The following ATP8A2 variants were observed in gnomAD, a reference collection of about 807,000 sequenced individuals.
ATP8A2 encodes ATPase phospholipid transporting 8A2.
ATP8A2 carries 100 observed loss-of-function variants against 165.6 expected under a neutral mutation model. The observed-to-expected ratio is 0.60, with a 90% CI of 0.51 to 0.71. The LOEUF (loss-of-function observed/expected upper bound fraction) is 0.71. Ranked by LOEUF, ATP8A2 falls within the 30% of genes least tolerant of loss-of-function variation. The pLI, the probability that ATP8A2 is intolerant of heterozygous loss-of-function variation, is 0.00. For missense variants in ATP8A2, 1,227 were observed against 1,479.5 expected (o/e 0.83, Z 2.80); for synonymous variants, 543 against 548.8 (o/e 0.99, Z 0.15).
intron 2 of ATP8A2, among the ~76,000 whole-genome samples, chr13:25,485,438 C>T (rs771260438): frequency 6.6e-6 from 1 of 152,184 alleles, no homozygotes; most frequent in Non-Finnish European, 1.5e-5. Flanking sequence ...TTTTACCAAC[C>T]TCCTTCCACT....
Position 26,020,241 on chromosome 13 carries a change from T to A in ATP8A2, c.*256T>A. On this transcript the variant is annotated 3_prime_UTR_variant, in exon 37 of 37. Transcript: ENST00000381655. The stretch of plus-strand genomic sequence containing the variant: ...TTTTGTTTATGTCGTTATGAAGCAT[T>A]CAACTGTGCTCTGTGAGGTGTGAAA... The A allele has an allele frequency of 1.9e-6, 1 of 518,002 alleles. No homozygotes were observed. The allele number at this position is 518,002 out of a possible 1,614,324, so 32.1% of individuals were successfully genotyped here.
At chr13:25,836,186 GTT>G (rs1374798479) in intron 28 of ATP8A2, among the ~76,000 whole-genome samples, 1 of 151,888 alleles carries the variant, frequency 6.6e-6, no homozygotes, top group Non-Finnish European at 1.5e-5. Flanking sequence ...TTGTTTGTTT[GTT>G]TGTTTGTTTG....
intron 28 of ATP8A2, 137 bp downstream of exon 28, chr13:25,828,329 C>T (rs1370137110): frequency 9.4e-6 from 7 of 745,798 alleles, no homozygotes; most frequent in Non-Finnish European, 1.6e-5. Flanking sequence ...CATCTTTGGG[C>T]CCTTTGTTGC....
intron 24 of ATP8A2, among the ~76,000 whole-genome samples, chr13:25,628,811 A>T (rs2041166448): frequency 6.6e-6 from 1 of 152,192 alleles, no homozygotes; most frequent in African/African-American, 2.4e-5. Context: ...TAACTTGATT[A>T]CCTGTGCAAA....
intron 2 of ATP8A2, among the ~76,000 whole-genome samples, chr13:25,494,569 G>C (rs1241977668): frequency 7.9e-5 from 12 of 152,144 alleles, no homozygotes; most frequent in African/African-American, 2.9e-4. Flanking sequence ...TTGCCTGCTT[G>C]TTTGTTTTTA....
chr13:25,864,517 C>T (rs1294395937), intron 33 of ATP8A2, among the ~76,000 whole-genome samples: 2 of 152,192 alleles, frequency 1.3e-5, no homozygotes, highest in African/African-American at 4.8e-5. Flanking sequence ...TTATAAGGCT[C>T]AGATTAATGG....
chr13:25,751,449 A>T (rs2044151341), intron 25 of ATP8A2, among the ~76,000 whole-genome samples: 1 of 151,732 alleles, frequency 6.6e-6, no homozygotes, highest in African/African-American at 2.4e-5. Flanking sequence ...ATTTTATTTT[A>T]TGATTTTTTT....
chr13:25,634,419 G>A lies in ATP8A2; in HGVS notation c.2211+44720G>A, dbSNP rs560659650. ...TAACTGCAGTAAGTCCTGTTAGGGC[G>A]CTGTTATTAGTCCCATAAAGTGCTC... On this transcript the variant is annotated intron_variant, in intron 24 of 36. Transcript: ENST00000381655. Among the ~76,000 whole-genome samples, 4 of 152,202 alleles carry A rather than the reference G, an allele frequency of 2.6e-5. No individual in the cohort carries two copies. The East Asian group carries it at 5.8e-4, about 22-fold the overall frequency.
At chr13:25,377,676 C>G (rs2032683450) in intron 1 of ATP8A2, among the ~76,000 whole-genome samples, 1 of 152,032 alleles carries the variant, frequency 6.6e-6, no homozygotes. Flanking sequence ...CCTGTAATCC[C>G]TGTAACTCGG....
rs146271763 is a variant in ATP8A2, at chr13:25,631,309, T to A, written c.2211+41610T>A. On this transcript the variant is annotated intron_variant, in intron 24 of 36. Coordinates refer to ENST00000381655, the MANE Select transcript of ATP8A2 (RefSeq NM_016529.6). ...CGAGGAATTGAATTTTAAATTTTATTTCATTTTAATTTATATGTAATTAGG... is the reference window on the plus strand; with the variant it reads ...CGAGGAATTGAATTTTAAATTTTATATCATTTTAATTTATATGTAATTAGG... Among the ~76,000 whole-genome samples the A allele has an allele frequency of 8.5e-5, 13 of 152,296 alleles. 1 individual carries two copies. The East Asian group carries it at 2.3e-3, about 27-fold the overall frequency.
In ATP8A2 at chr13:25,609,534, GGGATTCAAATATATATATATATATTT is replaced by G. The variant is rs71077490; in HGVS notation, c.2211+19858_2211+19883del. The stretch of plus-strand genomic sequence containing the variant: ...AAGGATTCCAAATATATATATATTT[GGGATTCAAATATATATATATATATTT>G]GGATTCAAATATATATATATATTTG... On this transcript the variant is annotated intron_variant, in intron 24 of 36. Coordinates refer to ENST00000381655, the MANE Select transcript of ATP8A2 (RefSeq NM_016529.6). Among the ~76,000 whole-genome samples, 338 of 42,292 alleles carry G rather than the reference GGGATTCAAATATATATATATATATTT, an allele frequency of 8.0e-3. 3 individuals are homozygous for G. The highest frequency in any genetic ancestry group is 0.017 in the African/African-American group (294 of 17,690). The allele number at this position is 42,292 out of a possible 152,430, so 27.7% of individuals were successfully genotyped here.
intron 2 of ATP8A2, among the ~76,000 whole-genome samples, chr13:25,523,503 T>C (rs2037737889): frequency 5.3e-5 from 8 of 152,190 alleles, no homozygotes; most frequent in Admixed American, 3.9e-4. Context: ...CCTGGACTCT[T>C]CTTTAATGGG....
chr13:25,767,158 T>G (rs1359694280), intron 25 of ATP8A2, among the ~76,000 whole-genome samples: 1 of 152,250 alleles, frequency 6.6e-6, no homozygotes, highest in Non-Finnish European at 1.5e-5. Flanking sequence ...GTTACAGTTG[T>G]GGGCTGCCTC....
chr13:25,472,994 G>A (rs1193464106), intron 2 of ATP8A2, among the ~76,000 whole-genome samples: 1 of 152,204 alleles, frequency 6.6e-6, no homozygotes, highest in African/African-American at 2.4e-5. Flanking sequence ...TTCAGGACAG[G>A]AATTCTATGG....
At chr13:25,539,060 A>AGTTGT (rs377730928) in intron 7 of ATP8A2, among the ~76,000 whole-genome samples, 2 of 137,410 alleles carry the variant, frequency 1.5e-5, no homozygotes, top group African/African-American at 5.3e-5. Flanking sequence ...TAGAAAATTT[A>AGTTGT]GTGTGTGTGT....
At chr13:25,636,841 C>G (rs1292045946) in intron 24 of ATP8A2, among the ~76,000 whole-genome samples, 2 of 151,990 alleles carry the variant, frequency 1.3e-5, no homozygotes, top group Non-Finnish European at 2.9e-5. Context: ...GCCTGTGATC[C>G]CAATACTTTG....
chr13:25,903,736 C>T (rs1344999469), intron 33 of ATP8A2, among the ~76,000 whole-genome samples: 1 of 152,028 alleles, frequency 6.6e-6, no homozygotes, highest in Non-Finnish European at 1.5e-5. Flanking sequence ...CTCAGCACTG[C>T]CCTCCTCAGT....
intron 25 of ATP8A2, among the ~76,000 whole-genome samples, chr13:25,741,286 C>T (rs1401040303): frequency 6.6e-6 from 1 of 152,200 alleles, no homozygotes; most frequent in Non-Finnish European, 1.5e-5. Flanking sequence ...GACTGATGAT[C>T]TCCCTGGATA....
At chr13:25,790,410 G>C (rs1008445413) in intron 27 of ATP8A2, among the ~76,000 whole-genome samples, 3 of 152,064 alleles carry the variant, frequency 2.0e-5, no homozygotes, top group African/African-American at 7.2e-5. Flanking sequence ...AAAGTGGGTA[G>C]GCTGGGCGCA....
Sources: gnomAD v4.1 joint callset for allele counts (sites outside exome capture counted in the v4.1 genomes callset) on GRCh38, gnomAD v4.1.1 for gene constraint, MANE v1.5 for transcripts, NCBI Gene and HGNC (gene_info 2026-07-23, HGNC 2026-07-21) for gene names.